The following COL19A1 variants were observed in gnomAD, a reference collection of about 807,000 sequenced individuals.
COL19A1 encodes collagen type XIX alpha 1 chain.
A neutral mutation model predicts 190.2 loss-of-function variants in COL19A1; 159 were observed. The ratio of observed to expected loss-of-function variants is 0.84; its 90% CI spans 0.73 to 0.95. The LOEUF (loss-of-function observed/expected upper bound fraction) is 0.95. COL19A1 is among the 40% of genes least tolerant of loss of function. COL19A1 has a pLI of 0.00. For synonymous variants in COL19A1, 509 were observed against 458.9 expected (o/e 1.11, Z -1.39); for missense variants, 1,418 against 1,431.9 (o/e 0.99, Z 0.16).
chr6:69,957,421 C>A (rs1774487641), intron 9 of COL19A1, among the ~76,000 whole-genome samples: 1 of 151,952 alleles, frequency 6.6e-6, no homozygotes, highest in Non-Finnish European at 1.5e-5. Context: ...ATAGTAATAA[C>A]CCAGGCAACG....
chr6:70,103,706 C>T (rs146159143), intron 16 of COL19A1, among the ~76,000 whole-genome samples: 10 of 152,280 alleles, frequency 6.6e-5, no homozygotes, highest in African/African-American at 2.2e-4. Context: ...CCTATAGAAG[C>T]TTTGCCAGTG....
intron 9 of COL19A1, among the ~76,000 whole-genome samples, chr6:69,939,685 G>A (rs1227701206): frequency 1.3e-5 from 2 of 152,028 alleles, no homozygotes; most frequent in Non-Finnish European, 2.9e-5. Context: ...TTTTACAGCT[G>A]AGAGCCACAC....
intron 16 of COL19A1, among the ~76,000 whole-genome samples, chr6:70,104,740 A>G (rs1420488055): frequency 6.6e-6 from 1 of 152,256 alleles, no homozygotes; most frequent in Admixed American, 6.5e-5. Flanking sequence ...AACAGGCAAG[A>G]TTAGACCTTC....
In COL19A1 at chr6:69,938,100, G is replaced by A. The variant is rs1243011814; in HGVS notation, c.936G>A (p.Pro312=). 13 of 1,610,276 alleles carry A rather than the reference G, an allele frequency of 8.1e-6. No individual in the cohort carries two copies. The highest frequency in any genetic ancestry group is 1.0e-5 in the Non-Finnish European group (12 of 1,178,338). ...SPGQKGHKGE[P]GENGLHGAPG... ...GGCAGAAAGGGCATAAAGGAGAGCC[G>A]GTAAGAAAAAAACAAATACTGATGG... The change falls in exon 9 of 51, where the codon CCG becomes CCA. Residue 312 remains proline (P), a splice_region_variant and synonymous_variant. Coordinates refer to ENST00000620364, the MANE Select transcript of COL19A1 (RefSeq NM_001858.6).
chr6:69,949,704 C>T (rs540402425), intron 9 of COL19A1, among the ~76,000 whole-genome samples: 6 of 151,872 alleles, frequency 4.0e-5, no homozygotes, highest in East Asian at 1.9e-4. Context: ...TTTGCTTCAA[C>T]GTGAAATATG....
intron 23 of COL19A1, 45 bp downstream of exon 23, chr6:70,142,865 A>C: frequency 6.5e-7 from 1 of 1,545,376 alleles, no homozygotes; most frequent in Non-Finnish European, 8.9e-7. Context: ...AATTGAGACT[A>C]GGACATGTTT....
At chr6:70,060,240 G>A (rs76783998) in intron 14 of COL19A1, among the ~76,000 whole-genome samples, 4,060 of 152,244 alleles carry the variant, frequency 0.027, 189 homozygotes, top group African/African-American at 0.089. Flanking sequence ...ATAAAGAGCA[G>A]ATGCCAGTTC....
intron 4 of COL19A1, among the ~76,000 whole-genome samples, chr6:69,916,225 C>G (rs892575270): frequency 6.6e-6 from 1 of 152,248 alleles, no homozygotes; most frequent in South Asian, 2.1e-4. Context: ...CGGGAGCCAC[C>G]GCGCCCAGCT....
chr6:70,103,486 A>G (rs953461504), intron 16 of COL19A1, among the ~76,000 whole-genome samples: 3 of 152,138 alleles, frequency 2.0e-5, no homozygotes, highest in Admixed American at 1.3e-4. Flanking sequence ...TTTTTCTTCA[A>G]GAAAGATGGA....
intron 1 of COL19A1, among the ~76,000 whole-genome samples, chr6:69,873,594 G>T (rs1767963976): frequency 6.6e-6 from 1 of 152,226 alleles, no homozygotes; most frequent in Non-Finnish European, 1.5e-5. Context: ...GAAGAAAAAT[G>T]AGAAAGCATA....
At chr6:70,171,703 A>T (rs1399805172) in intron 40 of COL19A1, among the ~76,000 whole-genome samples, 1 of 152,234 alleles carries the variant, frequency 6.6e-6, no homozygotes, top group Non-Finnish European at 1.5e-5. Context: ...AGAGGGATTC[A>T]TTCTGATTAG....
chr6:70,150,680 A>G (rs1269239971), intron 30 of COL19A1, among the ~76,000 whole-genome samples: 1 of 152,180 alleles, frequency 6.6e-6, no homozygotes, highest in African/African-American at 2.4e-5. Context: ...CTGGCTTCTC[A>G]GTTCTAAGCC....
chr6:70,168,688 A>T lies in COL19A1; in HGVS notation c.2568+7A>T, dbSNP rs1765316901. 2 of 1,612,830 alleles carry T rather than the reference A, an allele frequency of 1.2e-6. No homozygotes were observed. The highest frequency in any genetic ancestry group is 3.3e-5 in the Admixed American group (2 of 59,762). On this transcript the variant is annotated splice_region_variant and intron_variant, in intron 40 of 50. Transcript: ENST00000620364. ...AGGCGATCCTGGCCCAGTGGTATGA[A>T]TGTTCCCATGTTTTGTGTCATTTAG...
At chr6:70,032,835 T>C (rs1779146255) in intron 12 of COL19A1, among the ~76,000 whole-genome samples, 1 of 152,142 alleles carries the variant, frequency 6.6e-6, no homozygotes, top group Non-Finnish European at 1.5e-5. Context: ...AACAAATGAA[T>C]TAATAATAAA....
chr6:70,196,770 C>T (rs1767224698), intron 48 of COL19A1, among the ~76,000 whole-genome samples: 2 of 152,228 alleles, frequency 1.3e-5, no homozygotes, highest in African/African-American at 2.4e-5. Context: ...CATTAGAAAG[C>T]ATAGCCAAAA....
intron 14 of COL19A1, among the ~76,000 whole-genome samples, chr6:70,044,068 T>A (rs1429744924): frequency 2.0e-5 from 3 of 152,240 alleles, no homozygotes; most frequent in Non-Finnish European, 2.9e-5. Flanking sequence ...TGTACTTTTA[T>A]ATTCTGGAGA....
At chr6:70,138,324 G>A (rs957518245) in intron 19 of COL19A1, among the ~76,000 whole-genome samples, 9 of 152,080 alleles carry the variant, frequency 5.9e-5, no homozygotes, top group African/African-American at 1.9e-4. Flanking sequence ...CTTTCAAAAT[G>A]TAGTTCTTTT....
rs754835972 is a variant in COL19A1, at chr6:69,929,638, A to G, written c.604A>G (p.Thr202Ala). The change falls in exon 6 of 51, where the codon ACT becomes GCT. Residue 202 changes from threonine (T) to alanine (A), a missense_variant. Physicochemically the swap from Thr to Ala is moderately conservative, Grantham distance 58. Coordinates refer to ENST00000620364, the MANE Select transcript of COL19A1 (RefSeq NM_001858.6). The part of the protein sequence containing the change: ...IARRQTDEKD[T>A]VDFHGRTVIA... ...GAGGAGGCAGACTGATGAAAAGGAC[A>G]CTGTGGATTTCCATGGACGGACAGT... is the stretch of plus-strand genomic sequence containing the variant. 2.5e-6 allele frequency: 4 copies of G among 1,614,050 alleles called. No individual in the cohort carries two copies. The highest frequency in any genetic ancestry group is 3.4e-6 in the Non-Finnish European group (4 of 1,179,966).
rs759178073 is a variant in COL19A1, at chr6:70,172,003, T to C, written c.2608T>C (p.Phe870Leu). 1 of 1,611,292 alleles carries C rather than the reference T, an allele frequency of 6.2e-7. No homozygotes were observed. Among genetic ancestry groups the C allele is most frequent in the South Asian group, 1.1e-5 (1 of 90,040 alleles). ...GAMGLPGLEG[F>L]PGVKGDRGPA... Reference sequence around the variant, plus strand: ...AATGGGGTTGCCAGGATTAGAAGGATTTCCAGGTGTAAAGGTAAGCACAGA... The same window carrying C: ...AATGGGGTTGCCAGGATTAGAAGGACTTCCAGGTGTAAAGGTAAGCACAGA... Residue 870 changes from phenylalanine to leucine, a missense_variant, in exon 41 of 51, where the codon TTT becomes CTT. Transcript: ENST00000620364.
Sources: gnomAD v4.1 joint callset for allele counts (sites outside exome capture counted in the v4.1 genomes callset) on GRCh38, gnomAD v4.1.1 for gene constraint, MANE v1.5 for transcripts, NCBI Gene and HGNC (gene_info 2026-07-23, HGNC 2026-07-21) for gene names.